Variants in HMCN1 observed in about 807,000 individuals in gnomAD.
The protein encoded by HMCN1 is hemicentin 1, also known as hemicentin-1.
A neutral mutation model predicts 625.9 loss-of-function variants in HMCN1; 321 were observed. That is an observed-to-expected ratio of 0.51 (90% CI 0.47 to 0.56). HMCN1 has a LOEUF of 0.56. Ranked by LOEUF, HMCN1 falls within the 20% of genes least tolerant of loss-of-function variation. The pLI is 0.00. For missense variants in HMCN1, 6,588 were observed against 6,887.3 expected, an observed-to-expected ratio of 0.96 and a Z score of 1.54; for synonymous variants, 2,425 against 2,417.6, an observed-to-expected ratio of 1.00 and a Z score of -0.09.
In HMCN1 at chr1:185,865,837, C is replaced by T. The variant is rs2102358650; in HGVS notation, c.595C>T (p.His199Tyr). 1 of 1,613,076 alleles carries T rather than the reference C, an allele frequency of 6.2e-7. No homozygotes were observed. The highest frequency in any genetic ancestry group is 8.5e-7 in the Non-Finnish European group (1 of 1,179,654). The change falls in exon 4 of 107, where the codon CAT (histidine) becomes TAT (tyrosine). Residue 199 changes from histidine (H) to tyrosine (Y), a missense_variant. This residue lies in a region of HMCN1 where 4,628 missense variants were observed against 4,853.1 expected (regional missense o/e 0.95). Transcript: ENST00000271588. ...IASTSSGQVF[H>Y]LDKKQVNEVL... ...CTCTACAAGTTCTGGTCAAGTGTTC[C>T]ATCTGGACAAAAAACAAGTTAATGA... is the stretch of plus-strand genomic sequence containing the variant.
rs1654287361 is a variant in HMCN1 at position 186,015,305 on chromosome 1, C to T, written c.4777C>T (p.Gln1593Ter). 2 of 1,613,698 alleles carry T rather than the reference C, an allele frequency of 1.2e-6. No individual in the cohort carries two copies. The highest frequency in any genetic ancestry group is 1.7e-5 in the Admixed American group (1 of 59,942). Residue 1593 changes from glutamine to a stop codon, truncating the protein, a stop_gained, in exon 31 of 107, where the codon CAA becomes TAA. Transcript: ENST00000271588. LOFTEE classifies it high-confidence loss of function. Reference protein sequence around the residue: ...KDGQPIMSSSQALYIDKGQYL... With the variant: ...KDGQPIMSSS ...CGGGCAGCCAATCATGTCCAGCTCA[C>T]AAGCACTTTATATTGATAAAGGACA...
intron 69 of HMCN1, among the ~76,000 whole-genome samples, chr1:186,104,896 G>C (rs1053375180): frequency 2.0e-5 from 3 of 152,098 alleles, no homozygotes; most frequent in Non-Finnish European, 2.9e-5. Context: ...CAAACAAAAA[G>C]TAGGCAAAAG....
rs148736433 is a variant in HMCN1, at chr1:185,923,559, A to G, written c.1191A>G (p.Pro397=). 18 of 1,611,468 alleles carry G rather than the reference A, an allele frequency of 1.1e-5. No homozygotes were observed. In the African/African-American group the frequency reaches 2.0e-4, roughly 18 times the overall value. Residue 397 remains proline, a synonymous_variant, in exon 8 of 107, where the codon CCA becomes CCG. Coordinates refer to ENST00000271588, the MANE Select transcript of HMCN1 (RefSeq NM_031935.3). ...GGAATATTTCTGACTTTGTACCACC[A>G]AATGAAGCTTTCTTTCTCAAAGTAA... The part of the protein sequence containing the change: ...GIWNISDFVP[P]NEAFFLKVTG...
rs769269195 is a variant in HMCN1 at position 186,055,517 on chromosome 1, T to C, written c.6987T>C (p.Asp2329=). ...CACCAACAGTGACCTGGATGAAAGA[T>C]GGCCACCCCTTGATCAAGGCAAAGG... ...IPPPTVTWMK[D]GHPLIKAKGV... Residue 2329 remains aspartate, a synonymous_variant, in exon 45 of 107, where the codon GAT becomes GAC. Transcript: ENST00000271588. The C allele has an allele frequency of 2.5e-6, 4 of 1,612,828 alleles. No individual in the cohort carries two copies. In the South Asian group the frequency reaches 4.4e-5, roughly 18 times the overall value.
At chr1:186,013,480 TTTG>T in intron 30 of HMCN1, among the ~76,000 whole-genome samples, 1 of 152,272 alleles carries the variant, frequency 6.6e-6, no homozygotes, top group Admixed American at 6.5e-5. Flanking sequence ...TACATAAATG[TTTG>T]TCAGTATGGA....
intron 4 of HMCN1, among the ~76,000 whole-genome samples, chr1:185,889,888 C>T (rs985546160): frequency 2.0e-5 from 3 of 147,428 alleles, no homozygotes; most frequent in Admixed American, 6.6e-5. Context: ...AGGAATGGTA[C>T]CAGTTCCTCC....
chr1:185,768,586 A>G (rs1023317438), intron 1 of HMCN1, among the ~76,000 whole-genome samples: 1 of 152,196 alleles, frequency 6.6e-6, no homozygotes, highest in African/African-American at 2.4e-5. Flanking sequence ...TTGATACAAA[A>G]CTTAGTATAT....
At chr1:185,854,361 A>G (rs1183225733) in intron 2 of HMCN1, among the ~76,000 whole-genome samples, 1 of 152,160 alleles carries the variant, frequency 6.6e-6, no homozygotes, top group Non-Finnish European at 1.5e-5. Context: ...TCACTTGTCC[A>G]GTTACCCCGT....
chr1:186,055,283 T>C, intron 44 of HMCN1, 110 bp from the exon 45 acceptor site: 2 of 1,004,570 alleles, frequency 2.0e-6, no homozygotes, highest in South Asian at 2.9e-5. Context: ...CTTTAGTTAT[T>C]TATATTTTAA....
intron 105 of HMCN1, 34 bp downstream of exon 105, chr1:186,182,321 C>G: frequency 6.2e-7 from 1 of 1,612,168 alleles, no homozygotes; most frequent in South Asian, 1.1e-5. Context: ...TTGTTGCAAA[C>G]TTGACTAAAA....
In HMCN1 at chr1:186,130,528, A is replaced by T; in HGVS notation, c.13061A>T (p.Asp4354Val). The T allele has an allele frequency of 6.2e-7, 1 of 1,613,428 alleles. No individual in the cohort carries two copies. The highest frequency in any genetic ancestry group is 8.5e-7 in the Non-Finnish European group (1 of 1,179,528). Reference sequence around the variant, plus strand: ...CCAGAACCTCCAGTCTTCAAAGGTGATTATCCTTCTAACTGGATTGAACCA... The same window carrying T: ...CCAGAACCTCCAGTCTTCAAAGGTGTTTATCCTTCTAACTGGATTGAACCA... ...YVKEPPVFKG[D>V]YPSNWIEPLG... Residue 4354 changes from aspartate to valine, a missense_variant, in exon 85 of 107, where the codon GAT becomes GTT. Transcript: ENST00000271588.
At position 186,088,622 on chromosome 1, in the gene HMCN1, G is replaced by A; in HGVS notation, c.9594G>A (p.Leu3198=). ...NHKRIENSDS[L]EVRILSGGSK... is the part of the protein sequence containing the mutation. ...TACCTCTAGAAAATTCTGACTCACT[G>A]GAAGTTCGTATTTTGTCTGGAGGTA... Residue 3198 remains leucine (L), a synonymous_variant, in exon 63 of 107, where the codon CTG becomes CTA. Transcript: ENST00000271588. 1 of 1,611,690 alleles carries A rather than the reference G, an allele frequency of 6.2e-7. No individual in the cohort carries two copies. Among genetic ancestry groups the A allele is most frequent in the South Asian group, 1.1e-5 (1 of 90,968 alleles).
chr1:185,909,661 T>C (rs1476954919), intron 5 of HMCN1, among the ~76,000 whole-genome samples, 153 bp downstream of exon 5: 2 of 152,126 alleles, frequency 1.3e-5, no homozygotes, highest in Non-Finnish European at 2.9e-5. Flanking sequence ...AAATGTAACA[T>C]TTTGAAAGTG....
chr1:185,818,372 G>A (rs1237699376), intron 1 of HMCN1, among the ~76,000 whole-genome samples: 2 of 151,782 alleles, frequency 1.3e-5, no homozygotes, highest in Non-Finnish European at 2.9e-5. Flanking sequence ...TTTCCTAAAT[G>A]GCATGGATGT....
chr1:185,845,004 T>C (rs1057056145), intron 1 of HMCN1, among the ~76,000 whole-genome samples: 3 of 152,216 alleles, frequency 2.0e-5, no homozygotes, highest in African/African-American at 7.2e-5. Context: ...GGGAAGGCAG[T>C]GGCCCCACCT....
rs2102688837 is a variant in HMCN1, at chr1:186,190,225, C to T, written c.*347C>T. On this transcript the variant is annotated 3_prime_UTR_variant, in exon 107 of 107. Transcript: ENST00000271588. ...GAAAGCCAAACCAAACAACGAAAAA[C>T]AAGAACAACTAATTCAGAATCAAAT... 1 of 271,314 alleles carries T rather than the reference C, an allele frequency of 3.7e-6. No homozygotes were observed. The highest frequency in any genetic ancestry group is 2.2e-5 in the African/African-American group (1 of 46,332). The allele number at this position is 271,314 out of a possible 1,614,324, so 16.8% of individuals were successfully genotyped here.
chr1:186,092,190 T>G (rs1659881580), intron 64 of HMCN1, among the ~76,000 whole-genome samples: 1 of 151,950 alleles, frequency 6.6e-6, no homozygotes. Flanking sequence ...TATTATTCAT[T>G]CCATAATATG....
At chr1:186,024,866 T>A (rs1430241577) in intron 36 of HMCN1, among the ~76,000 whole-genome samples, 1 of 152,184 alleles carries the variant, frequency 6.6e-6, no homozygotes, top group African/African-American at 2.4e-5. Context: ...GGGACCAGTT[T>A]CTTGGAAGAC....
chr1:185,829,563 C>T (rs1348668220), intron 1 of HMCN1, among the ~76,000 whole-genome samples: 1 of 152,108 alleles, frequency 6.6e-6, no homozygotes, highest in Non-Finnish European at 1.5e-5. Context: ...GTAGCTTCAT[C>T]CATGTCCCTG....
Sources: gnomAD v4.1 joint callset for allele counts (sites outside exome capture counted in the v4.1 genomes callset) on GRCh38, gnomAD v4.1.1 for gene constraint, gnomAD v4.1.1 regional missense constraint, MANE v1.5 for transcripts, NCBI Gene and HGNC (gene_info 2026-07-23, HGNC 2026-07-21) for gene names.